The following XKR6 variants were observed in gnomAD, a reference collection of about 807,000 sequenced individuals.
XKR6 encodes the protein XK-related protein 6.
In XKR6, 22 loss-of-function variants were observed where a neutral mutation model predicts 56.7. The ratio of observed to expected loss-of-function variants is 0.39; its 90% CI spans 0.28 to 0.55. The LOEUF (loss-of-function observed/expected upper bound fraction) is 0.55. Among genes scored for constraint, XKR6 ranks in the 20% least tolerant of loss-of-function variants. The probability of loss-of-function intolerance (pLI) is 0.66; values close to 1 mark genes in which losing one functional copy is unlikely to be tolerated. For synonymous variants in XKR6, 524 were observed against 387.8 expected, an observed-to-expected ratio of 1.35 and a Z score of -4.13; for missense variants, 852 against 889.0, an observed-to-expected ratio of 0.96 and a Z score of 0.53.
At chr8:10,991,831 T>C (rs1022030164) in intron 1 of XKR6, among the ~76,000 whole-genome samples, 1 of 152,260 alleles carries the variant, frequency 6.6e-6, no homozygotes, top group East Asian at 1.9e-4. Context: ...ACCATGTATC[T>C]AAATTGGAAT....
intron 1 of XKR6, among the ~76,000 whole-genome samples, chr8:11,133,992 C>T (rs1800251561): frequency 6.6e-6 from 1 of 152,182 alleles, no homozygotes; most frequent in Non-Finnish European, 1.5e-5. Context: ...TAGCCTCATC[C>T]TGCAATTACT....
chr8:10,932,951 T>A (rs952347074), intron 1 of XKR6, among the ~76,000 whole-genome samples: 4 of 149,504 alleles, frequency 2.7e-5, no homozygotes, highest in Admixed American at 2.0e-4. Flanking sequence ...AGTAATGGGA[T>A]GCCTGGGTCA....
In XKR6 at chr8:10,897,816, G is replaced by T; in HGVS notation, c.*136C>A. Reference sequence around the variant, plus strand: ...TATTAATTCTTTTTTTTTTGTAGTGGTGGTGTTGGTGTGGCGGTGTTGGTG... The same window carrying T: ...TATTAATTCTTTTTTTTTTGTAGTGTTGGTGTTGGTGTGGCGGTGTTGGTG... On this transcript the variant is annotated 3_prime_UTR_variant, in exon 3 of 3. Transcript: ENST00000416569. 9.2e-7 allele frequency: 1 copy of T among 1,086,182 alleles called. No individual in the cohort carries two copies. Among genetic ancestry groups the T allele is most frequent in the South Asian group, 2.0e-5 (1 of 49,346 alleles). 67.3% of individuals were successfully genotyped at this position (1,086,182 alleles called of 1,614,324 possible). A position where few individuals can be genotyped will look rare whatever the true frequency, so the allele number is the denominator to read the frequency against.
At chr8:11,162,428 T>A (rs1018856113) in intron 1 of XKR6, among the ~76,000 whole-genome samples, 1 of 152,090 alleles carries the variant, frequency 6.6e-6, no homozygotes. Context: ...TAGAGTAGAG[T>A]AATCGTGATC....
chr8:11,106,949 C>G (rs1798701499), intron 1 of XKR6, among the ~76,000 whole-genome samples: 1 of 151,906 alleles, frequency 6.6e-6, no homozygotes. Context: ...TCTACTTCCC[C>G]ACAAGAAGCT....
chr8:10,925,461 C>T (rs908940911), intron 1 of XKR6, among the ~76,000 whole-genome samples: 2 of 152,170 alleles, frequency 1.3e-5, no homozygotes, highest in African/African-American at 4.8e-5. Flanking sequence ...TGGACACCCT[C>T]CCTGGACATC....
chr8:11,180,349 A>G (rs574878633), intron 1 of XKR6, among the ~76,000 whole-genome samples: 3 of 152,288 alleles, frequency 2.0e-5, no homozygotes, highest in Non-Finnish European at 2.9e-5. Flanking sequence ...CCATGGCACA[A>G]GGAATGTTTG....
intron 1 of XKR6, among the ~76,000 whole-genome samples, chr8:11,176,443 C>T (rs961892255): frequency 2.0e-5 from 3 of 152,066 alleles, no homozygotes; most frequent in Admixed American, 2.0e-4. Flanking sequence ...GACACCAATA[C>T]TTGGGAAAAA....
chr8:10,944,355 G>T (rs1270225926), intron 1 of XKR6, among the ~76,000 whole-genome samples: 1 of 152,196 alleles, frequency 6.6e-6, no homozygotes, highest in Non-Finnish European at 1.5e-5. Flanking sequence ...CCCACAACGA[G>T]ACAGGTTTCC....
chr8:10,908,378 CAT>C (rs59605171), intron 2 of XKR6, among the ~76,000 whole-genome samples: 5 of 149,434 alleles, frequency 3.3e-5, no homozygotes, highest in East Asian at 2.0e-4. Flanking sequence ...CTGCCATAAA[CAT>C]ATATATATAT....
chr8:11,198,778 C>T (rs528925559), intron 1 of XKR6, among the ~76,000 whole-genome samples: 12 of 152,228 alleles, frequency 7.9e-5, no homozygotes, highest in Non-Finnish European at 1.5e-4. Flanking sequence ...GCCCACACTT[C>T]GGCTTGTTCA....
At chr8:10,976,753 GTC>G (rs5889354) in intron 1 of XKR6, among the ~76,000 whole-genome samples, 131,764 of 149,236 alleles carry the variant, frequency 0.88, 58,829 homozygotes, top group East Asian at 0.98. Context: ...TACCTCGCCT[GTC>G]TCTCTCTCTC....
intron 1 of XKR6, among the ~76,000 whole-genome samples, chr8:10,927,675 C>A (rs556780705): frequency 6.6e-6 from 1 of 152,076 alleles, no homozygotes; most frequent in South Asian, 2.1e-4. Context: ...CCACCAAGGC[C>A]GGGGCAAAGG....
chr8:11,002,570 T>A (rs1798267360), intron 1 of XKR6: 1 of 199,232 alleles, frequency 5.0e-6, no homozygotes, highest in Non-Finnish European at 1.1e-5. Flanking sequence ...GGCGGGGCTT[T>A]GCCATCTGGT....
intron 1 of XKR6, among the ~76,000 whole-genome samples, chr8:10,979,229 C>T (rs1797669012): frequency 6.6e-6 from 1 of 152,012 alleles, no homozygotes; most frequent in Admixed American, 6.6e-5. Flanking sequence ...AAGGGCCAGG[C>T]CCACTAGCCT....
At chr8:11,070,486 G>C (rs904854893) in intron 1 of XKR6, among the ~76,000 whole-genome samples, 2 of 152,160 alleles carry the variant, frequency 1.3e-5, no homozygotes, top group Non-Finnish European at 2.9e-5. Context: ...GGTGGTGGTG[G>C]TTAAAAAGCA....
intron 1 of XKR6, among the ~76,000 whole-genome samples, chr8:10,996,744 G>A (rs1346962559): frequency 5.3e-5 from 8 of 152,200 alleles, no homozygotes; most frequent in African/African-American, 1.9e-4. Context: ...TCGGCATGGT[G>A]GTTCATGCCT....
chr8:11,110,365 G>T (rs1334087675), intron 1 of XKR6, among the ~76,000 whole-genome samples: 1 of 152,158 alleles, frequency 6.6e-6, no homozygotes, highest in Non-Finnish European at 1.5e-5. Context: ...AAGGAGCCAG[G>T]GGTATTGGGG....
At chr8:11,061,326 C>A (rs930921042) in intron 1 of XKR6, among the ~76,000 whole-genome samples, 1 of 152,012 alleles carries the variant, frequency 6.6e-6, no homozygotes, top group Non-Finnish European at 1.5e-5. Context: ...ATTAGCCAGG[C>A]GTGATGGTGT....
Sources: allele counts gnomAD v4.1 joint callset (sites outside exome capture counted in the v4.1 genomes callset), GRCh38; gene constraint gnomAD v4.1.1; transcripts MANE v1.5; gene names NCBI Gene and HGNC (gene_info 2026-07-23, HGNC 2026-07-21).